The following ARMH3 variants were observed in gnomAD, a reference collection of about 807,000 sequenced individuals.
ARMH3 encodes armadillo-like helical domain-containing protein 3.
In ARMH3, 60 loss-of-function variants were observed where a neutral mutation model predicts 99.1. That is an observed-to-expected ratio of 0.61 (90% CI 0.49 to 0.75). The LOEUF is 0.75. ARMH3 is among the 30% of genes least tolerant of loss of function. ARMH3 has a pLI of 0.00. For missense variants in ARMH3, 679 were observed against 843.1 expected, an observed-to-expected ratio of 0.81 and a Z score of 2.41; for synonymous variants, 285 against 292.8, an observed-to-expected ratio of 0.97 and a Z score of 0.27.
intron 1 of ARMH3, among the ~76,000 whole-genome samples, chr10:102,044,169 C>T (rs2067489685): frequency 6.6e-6 from 1 of 150,864 alleles, no homozygotes; most frequent in Admixed American, 6.6e-5. Context: ...TCTCAGCTCA[C>T]TGCAAGCTCC....
chr10:102,018,900 T>C (rs1359421980), intron 8 of ARMH3, among the ~76,000 whole-genome samples: 1 of 152,042 alleles, frequency 6.6e-6, no homozygotes, highest in Non-Finnish European at 1.5e-5. Flanking sequence ...GAGGTTGCAG[T>C]GAGCCAAGAT....
intron 3 of ARMH3, 53 bp downstream of exon 3, chr10:102,033,230 T>C (rs1229160345): frequency 2.5e-6 from 4 of 1,613,328 alleles, no homozygotes; most frequent in African/African-American, 1.3e-5. Context: ...CTAGAATATA[T>C]GAGAAGGCAA....
At chr10:101,880,369 CT>C (rs1156531564) in intron 24 of ARMH3, among the ~76,000 whole-genome samples, 1 of 152,176 alleles carries the variant, frequency 6.6e-6, no homozygotes, top group African/African-American at 2.4e-5. Flanking sequence ...CAAAGCTTCC[CT>C]GGGGAAAACT....
chr10:101,863,349 G>A lies in ARMH3; in HGVS notation c.1861-13457C>T, dbSNP rs554032193. On this transcript the variant is annotated intron_variant, in intron 24 of 25. Coordinates refer to ENST00000370033, the MANE Select transcript of ARMH3 (RefSeq NM_024541.3). ...AAAGAGGTCTATTCATTATGAAGAC[G>A]TAACAAACCCATACATACATGCATC... Among the ~76,000 whole-genome samples the A allele has an allele frequency of 2.0e-4, 31 of 152,216 alleles. 1 individual carries two copies. Among genetic ancestry groups the A allele is most frequent in the Admixed American group, 1.3e-3 (20 of 15,292 alleles).
At chr10:102,054,957 T>C (rs892161480) in intron 1 of ARMH3, among the ~76,000 whole-genome samples, 7 of 150,166 alleles carry the variant, frequency 4.7e-5, no homozygotes, top group African/African-American at 1.2e-4. Context: ...GATCACGCCA[T>C]TGCACTCCAG....
chr10:102,043,546 G>A (rs1211982209), intron 1 of ARMH3, among the ~76,000 whole-genome samples: 1 of 152,162 alleles, frequency 6.6e-6, no homozygotes, highest in Non-Finnish European at 1.5e-5. Context: ...GAAATAAATG[G>A]AGTAGAAGTA....
At chr10:102,049,833 A>G (rs565502619) in intron 1 of ARMH3, among the ~76,000 whole-genome samples, 51 of 152,178 alleles carry the variant, frequency 3.4e-4, no homozygotes, top group African/African-American at 1.2e-3. Flanking sequence ...CTAGAATTAC[A>G]GGCATGAGCC....
intron 14 of ARMH3, 149 bp from the exon 15 acceptor site, chr10:102,002,221 T>C (rs759521825): frequency 1.7e-6 from 2 of 1,180,478 alleles, no homozygotes; most frequent in African/African-American, 1.5e-5. Context: ...CACAAAACTT[T>C]TATCTACTCT....
chr10:101,974,521 C>T (rs889478039), intron 20 of ARMH3, among the ~76,000 whole-genome samples: 2 of 152,164 alleles, frequency 1.3e-5, no homozygotes. Flanking sequence ...CTGAAACCTC[C>T]AACTTAGTCA....
intron 23 of ARMH3, among the ~76,000 whole-genome samples, chr10:101,924,859 T>G (rs1212249038): frequency 6.6e-6 from 1 of 151,928 alleles, no homozygotes; most frequent in African/African-American, 2.4e-5. Flanking sequence ...CTGGGTGTGG[T>G]GGCACGCACA....
rs1017783163 is a variant in ARMH3, at chr10:101,940,074, C to G, written c.1706-136G>C. 6.6e-6 allele frequency: 4 copies of G among 609,548 alleles called. No individual in the cohort carries two copies. The East Asian group carries it at 8.7e-5, about 13-fold the overall frequency. The allele number at this position is 609,548 out of a possible 1,614,324, so 37.8% of individuals were successfully genotyped here. On this transcript the variant is annotated intron_variant, in intron 22 of 25. Coordinates refer to ENST00000370033, the MANE Select transcript of ARMH3 (RefSeq NM_024541.3). Reference sequence around the variant, plus strand: ...GCGCCAATCTTCTGTTAAAAACATCCTCAGCTTAGATAAAAATACAAGGGC... The same window carrying G: ...GCGCCAATCTTCTGTTAAAAACATCGTCAGCTTAGATAAAAATACAAGGGC...
chr10:102,017,963 G>A (rs2066786666), intron 8 of ARMH3, among the ~76,000 whole-genome samples: 1 of 152,036 alleles, frequency 6.6e-6, no homozygotes, highest in Admixed American at 6.6e-5. Context: ...GCCCAACTAG[G>A]ACTCATATCA....
intron 23 of ARMH3, 152 bp downstream of exon 23, chr10:101,939,711 C>G: frequency 1.7e-6 from 1 of 592,352 alleles, no homozygotes; most frequent in South Asian, 2.4e-5. Context: ...TGTACTCCTG[C>G]TTTTCTTGAT....
chr10:101,900,531 T>C (rs2067948205), intron 23 of ARMH3, among the ~76,000 whole-genome samples: 1 of 152,192 alleles, frequency 6.6e-6, no homozygotes, highest in Admixed American at 6.5e-5. Context: ...TAAGAACTTT[T>C]TAAAAACTGG....
Position 102,023,553 on chromosome 10 carries a change from T to C in ARMH3, c.593A>G (p.His198Arg), listed in dbSNP as rs761703768. 1.1e-5 allele frequency: 18 copies of C among 1,613,878 alleles called. No homozygotes were observed. Among genetic ancestry groups the C allele is most frequent in the Non-Finnish European group, 1.5e-5 (18 of 1,179,952 alleles). Residue 198 changes from histidine (H) to arginine (R), a missense_variant, in exon 8 of 26, where the codon CAT (histidine) becomes CGT (arginine). Transcript: ENST00000370033. ...CCCATGCTCCCTACGACTTGGGGGA[T>C]GGGAAAGTATCTGTAACAAGAACCA... ...IFEAILQILS[H>R]PPSRREHGYD...
chr10:101,985,234 A>G (rs1290316473), intron 19 of ARMH3, among the ~76,000 whole-genome samples: 1 of 148,830 alleles, frequency 6.7e-6, no homozygotes, highest in Non-Finnish European at 1.5e-5. Context: ...ACGTATATAC[A>G]TGTATATATA....
At chr10:102,032,619 C>CG (rs1409767578) in intron 4 of ARMH3, among the ~76,000 whole-genome samples, 1 of 152,004 alleles carries the variant, frequency 6.6e-6, no homozygotes. Flanking sequence ...AGGCTGGTCT[C>CG]GAACTCCTGA....
chr10:102,033,280 T>A lies in ARMH3; in HGVS notation c.159+3A>T. On this transcript the variant is annotated splice_donor_region_variant and intron_variant, in intron 3 of 25. Coordinates refer to ENST00000370033, the MANE Select transcript of ARMH3 (RefSeq NM_024541.3). ...AAATTCCACAGATGCCACCAACTCT[T>A]ACCTTCATGAGAAAGAGCTCCTCCC... 6.2e-7 allele frequency: 1 copy of A among 1,614,108 alleles called. No homozygotes were observed. Among genetic ancestry groups the A allele is most frequent in the South Asian group, 1.1e-5 (1 of 91,080 alleles).
At chr10:101,896,556 A>T (rs1221198357) in intron 23 of ARMH3, among the ~76,000 whole-genome samples, 1 of 152,236 alleles carries the variant, frequency 6.6e-6, no homozygotes, top group African/African-American at 2.4e-5. Flanking sequence ...TGTACACTTT[A>T]AGTGGATGAA....
Sources: gnomAD v4.1 joint callset for allele counts (sites outside exome capture counted in the v4.1 genomes callset) on GRCh38, gnomAD v4.1.1 for gene constraint, MANE v1.5 for transcripts, NCBI Gene and HGNC (gene_info 2026-07-23, HGNC 2026-07-21) for gene names.